ADAMTS19: variants seen among roughly 807,000 people sequenced by gnomAD.
ADAMTS19 encodes A disintegrin and metalloproteinase with thrombospondin motifs 19.
A neutral mutation model predicts 153.3 loss-of-function variants in ADAMTS19; 93 were observed. The ratio of observed to expected loss-of-function variants is 0.61; its 90% CI spans 0.51 to 0.72. ADAMTS19 has a LOEUF of 0.72. Among genes scored for constraint, ADAMTS19 ranks in the 30% least tolerant of loss-of-function variants. The probability of loss-of-function intolerance (pLI) is 0.00; values close to 1 mark genes in which losing one functional copy is unlikely to be tolerated. For missense variants in ADAMTS19, 1,482 were observed against 1,552.1 expected (o/e 0.95, Z 0.76); for synonymous variants, 600 against 556.6 (o/e 1.08, Z -1.10).
At chr5:129,733,671 T>A (rs116178192) in intron 21 of ADAMTS19, among the ~76,000 whole-genome samples, 2,393 of 151,836 alleles carry the variant, frequency 0.016, 61 homozygotes, top group African/African-American at 0.053. Flanking sequence ...GTTGGTGAGG[T>A]TGGAGAGAAA....
chr5:129,486,412 A>C (rs1371195481), intron 2 of ADAMTS19, among the ~76,000 whole-genome samples: 2 of 152,210 alleles, frequency 1.3e-5, no homozygotes, highest in Non-Finnish European at 2.9e-5. Context: ...TTATCCTAAC[A>C]CTGCAAGGGT....
intron 11 of ADAMTS19, among the ~76,000 whole-genome samples, chr5:129,642,706 G>T (rs1207318693): frequency 1.3e-5 from 2 of 152,150 alleles, no homozygotes; most frequent in Non-Finnish European, 2.9e-5. Context: ...TGAAGAGCAT[G>T]AATGTGTATT....
intron 21 of ADAMTS19, among the ~76,000 whole-genome samples, chr5:129,729,988 T>C (rs894691751): frequency 6.6e-6 from 1 of 152,092 alleles, no homozygotes; most frequent in Non-Finnish European, 1.5e-5. Flanking sequence ...TTCTCAAATA[T>C]TGTGATCTTT....
intron 10 of ADAMTS19, among the ~76,000 whole-genome samples, chr5:129,628,101 C>A (rs145236690): frequency 0.018 from 2,744 of 152,170 alleles, 37 homozygotes; most frequent in Non-Finnish European, 0.029. Context: ...TACATATACA[C>A]TATGGAATAC....
At chr5:129,495,031 A>G (rs1267920596) in intron 2 of ADAMTS19, among the ~76,000 whole-genome samples, 1 of 152,098 alleles carries the variant, frequency 6.6e-6, no homozygotes, top group African/African-American at 2.4e-5. Flanking sequence ...TATAGGGTCC[A>G]CTTCAACTGA....
At position 129,620,695 on chromosome 5, in the gene ADAMTS19, G is replaced by A. The variant is rs1002194222; in HGVS notation, c.1556G>A (p.Gly519Glu). The change falls in exon 9 of 23, where the codon GGA becomes GAA. Residue 519 changes from glycine (G) to glutamate (E), a missense_variant. Coordinates refer to ENST00000274487, the MANE Select transcript of ADAMTS19 (RefSeq NM_133638.6). The part of the protein sequence containing the change: ...LHIMSGEWIK[G>E]QNLGDVSWSR... ...ATCATGTCTGGTGAATGGATTAAAG[G>A]ACAGAATCTTGGTGACGTTTCATGG... The A allele has an allele frequency of 3.1e-6, 5 of 1,613,064 alleles. No individual in the cohort carries two copies. Among genetic ancestry groups the A allele is most frequent in the Non-Finnish European group, 4.2e-6 (5 of 1,179,432 alleles).
At chr5:129,526,822 G>T (rs748579068) in intron 4 of ADAMTS19, among the ~76,000 whole-genome samples, 7 of 150,626 alleles carry the variant, frequency 4.6e-5, no homozygotes, top group Non-Finnish European at 8.9e-5. Flanking sequence ...TTATTTTTTT[G>T]GTACATAGTA....
chr5:129,614,078 C>G (rs1009121337), intron 8 of ADAMTS19, among the ~76,000 whole-genome samples: 2 of 151,990 alleles, frequency 1.3e-5, no homozygotes, highest in African/African-American at 4.8e-5. Context: ...CAAGACCAGA[C>G]GGATTCACAG....
At chr5:129,720,225 G>A (rs1756936602) in intron 21 of ADAMTS19, among the ~76,000 whole-genome samples, 1 of 149,632 alleles carries the variant, frequency 6.7e-6, no homozygotes, top group Non-Finnish European at 1.5e-5. Flanking sequence ...AGGCTGGAGT[G>A]CAGTGGTGTG....
At chr5:129,678,346 T>C (rs1003435654) in intron 16 of ADAMTS19, among the ~76,000 whole-genome samples, 12 of 152,128 alleles carry the variant, frequency 7.9e-5, no homozygotes, top group African/African-American at 2.9e-4. Flanking sequence ...GTAAATAACA[T>C]CCCTCAGAGG....
chr5:129,577,736 C>CT (rs1056989628), intron 7 of ADAMTS19, among the ~76,000 whole-genome samples: 1 of 151,870 alleles, frequency 6.6e-6, no homozygotes, highest in Non-Finnish European at 1.5e-5. Context: ...TTTTGTATTT[C>CT]TTTTTTTGAC....
chr5:129,530,733 C>G (rs1460838965), intron 6 of ADAMTS19, among the ~76,000 whole-genome samples: 1 of 150,894 alleles, frequency 6.6e-6, no homozygotes, highest in East Asian at 1.9e-4. Flanking sequence ...TTTCTCCTTA[C>G]AACTGAAAGC....
intron 6 of ADAMTS19, among the ~76,000 whole-genome samples, chr5:129,546,472 G>A (rs977964188): frequency 2.7e-5 from 4 of 150,434 alleles, no homozygotes; most frequent in East Asian, 1.9e-4. Flanking sequence ...TTATAAAGAC[G>A]GAAAGAGTGT....
intron 6 of ADAMTS19, among the ~76,000 whole-genome samples, chr5:129,551,220 T>C (rs901508403): frequency 1.3e-5 from 2 of 151,708 alleles, no homozygotes; most frequent in Non-Finnish European, 3.0e-5. Context: ...CTCATAGCTC[T>C]TATTAAGGTC....
intron 7 of ADAMTS19, among the ~76,000 whole-genome samples, chr5:129,560,733 T>C (rs1367777160): frequency 6.6e-6 from 1 of 152,242 alleles, no homozygotes; most frequent in Non-Finnish European, 1.5e-5. Flanking sequence ...TTTTTATACA[T>C]ACATATGTTT....
rs1000730523 is a variant in ADAMTS19, at chr5:129,595,942, T to C, written c.1373-617T>C. On this transcript the variant is annotated intron_variant, in intron 7 of 22. Coordinates refer to ENST00000274487, the MANE Select transcript of ADAMTS19 (RefSeq NM_133638.6). ...AATTTATACCAAAAGATCAAATATC[T>C]TGCTAAAATTTTATCTTAATATTTC... Among the ~76,000 whole-genome samples, 3 of 151,988 alleles carry C rather than the reference T, an allele frequency of 2.0e-5. No individual in the cohort carries two copies. In the East Asian group the frequency reaches 5.8e-4, roughly 29 times the overall value.
intron 16 of ADAMTS19, 36 bp downstream of exon 16, chr5:129,665,615 A>G (rs769852679): frequency 2.7e-6 from 4 of 1,505,154 alleles, no homozygotes; most frequent in Non-Finnish European, 3.7e-6. Context: ...AGATCCAAGT[A>G]CGAGCCCAAC....
intron 19 of ADAMTS19, among the ~76,000 whole-genome samples, chr5:129,701,057 A>T (rs1367318818): frequency 6.6e-6 from 1 of 151,312 alleles, no homozygotes; most frequent in African/African-American, 2.4e-5. Context: ...GACCGGTAGG[A>T]GGTAATTGAA....
At chr5:129,541,019 G>T (rs1476561446) in intron 6 of ADAMTS19, among the ~76,000 whole-genome samples, 1 of 151,932 alleles carries the variant, frequency 6.6e-6, no homozygotes, top group Non-Finnish European at 1.5e-5. Flanking sequence ...TTTGAATTAG[G>T]AATACATTAC....
Sources: gnomAD v4.1 joint callset for allele counts (sites outside exome capture counted in the v4.1 genomes callset) on GRCh38, gnomAD v4.1.1 for gene constraint, MANE v1.5 for transcripts, NCBI Gene and HGNC (gene_info 2026-07-23, HGNC 2026-07-21) for gene names.